C11orf16: variants seen among roughly 807,000 people sequenced by gnomAD.
The protein encoded by C11orf16 is chromosome 11 open reading frame 16, also known as uncharacterized protein C11orf16.
C11orf16 carries 38 observed loss-of-function variants against 45.1 expected under a neutral mutation model. That is an observed-to-expected ratio of 0.84 (90% confidence interval 0.65 to 1.10). C11orf16 has a LOEUF of 1.10. Among genes scored for constraint, C11orf16 ranks in the 50% least tolerant of loss-of-function variants. The pLI, the probability that C11orf16 is intolerant of heterozygous loss-of-function variation, is 0.00. For missense variants in C11orf16, 583 were observed against 569.5 expected (o/e 1.02, Z -0.24); for synonymous variants, 221 against 222.0 (o/e 1.00, Z 0.04).
intron 4 of C11orf16, 68 bp downstream of exon 4, chr11:8,926,870 GCT>G: frequency 7.8e-7 from 1 of 1,275,132 alleles, no homozygotes. Context: ...CGCAGCCTTG[GCT>G]CTCTCCTCTG....
At chr11:8,923,753 A>G (rs921436858) in intron 5 of C11orf16, among the ~76,000 whole-genome samples, 1 of 152,136 alleles carries the variant, frequency 6.6e-6, no homozygotes, top group East Asian at 1.9e-4. Flanking sequence ...ACAGACGTGC[A>G]TCACAATGCC....
chr11:8,924,163 C>T (rs192358594), intron 5 of C11orf16, among the ~76,000 whole-genome samples: 2 of 152,240 alleles, frequency 1.3e-5, no homozygotes, highest in East Asian at 1.9e-4. Flanking sequence ...GAAAGCTTCT[C>T]ATTACAAACA....
chr11:8,923,062 A>G (rs1309525169), intron 5 of C11orf16, among the ~76,000 whole-genome samples: 1 of 152,250 alleles, frequency 6.6e-6, no homozygotes, highest in Non-Finnish European at 1.5e-5. Context: ...AAGATACTAT[A>G]GTTATCTTCT....
chr11:8,923,805 T>C (rs1195994162), intron 5 of C11orf16, among the ~76,000 whole-genome samples: 3 of 151,938 alleles, frequency 2.0e-5, no homozygotes, highest in African/African-American at 7.3e-5. Flanking sequence ...GGTTTCACTT[T>C]GTTGGTCAGG....
intron 3 of C11orf16, chr11:8,927,728 A>C (rs1456736601): frequency 2.2e-6 from 1 of 453,310 alleles, no homozygotes; most frequent in Non-Finnish European, 4.4e-6. Flanking sequence ...TGAATAGCAA[A>C]AGTGAGAGAA....
chr11:8,920,519 T>C, intron 6 of C11orf16, 69 bp from the exon 7 acceptor site: 1 of 622,000 alleles, frequency 1.6e-6, no homozygotes, highest in Non-Finnish European at 2.9e-6. Flanking sequence ...AAGTCACTGA[T>C]TTTAAAAAGT....
intron 2 of C11orf16, among the ~76,000 whole-genome samples, chr11:8,931,777 C>T (rs979000346): frequency 6.6e-6 from 1 of 151,984 alleles, no homozygotes; most frequent in African/African-American, 2.4e-5. Flanking sequence ...CTGCTTGCCT[C>T]GGCCTTCCAA....
At position 8,932,165 on chromosome 11, in the gene C11orf16, G is replaced by T; in HGVS notation, c.144C>A (p.Leu48=). The change falls in exon 2 of 7, where the codon CTC becomes CTA. Residue 48 remains leucine, a synonymous_variant. Coordinates refer to ENST00000326053, the MANE Select transcript of C11orf16 (RefSeq NM_020643.3). The stretch of plus-strand genomic sequence containing the variant: ...ACCTTGCAAGGGGCTTGTGCCCGGT[G>T]AGCCAGGGTGCTTGGAGGGCAAAGG... ...TYPFALQAPW[L]TGHKPLARHA... The T allele has an allele frequency of 6.3e-7, 1 of 1,586,286 alleles. No individual in the cohort carries two copies. Among genetic ancestry groups the T allele is most frequent in the African/African-American group, 1.3e-5 (1 of 74,784 alleles).
At chr11:8,925,111 T>C (rs2064600862) in intron 5 of C11orf16, among the ~76,000 whole-genome samples, 1 of 152,128 alleles carries the variant, frequency 6.6e-6, no homozygotes, top group African/African-American at 2.4e-5. Context: ...GGACTGTTCA[T>C]CTAGAGAAAA....
At chr11:8,930,424 CAAAAAAAAAAAAA>C (rs11303185) in intron 2 of C11orf16, among the ~76,000 whole-genome samples, 1 of 58,370 alleles carries the variant, frequency 1.7e-5, no homozygotes, top group Admixed American at 2.5e-4. Flanking sequence ...GACTCTGTCT[CAAAAAAAAAAAAA>C]AAAAAAAAAA....
chr11:8,920,829 G>GA (rs1002756599), intron 6 of C11orf16, among the ~76,000 whole-genome samples: 1 of 151,866 alleles, frequency 6.6e-6, no homozygotes, highest in South Asian at 2.1e-4. Context: ...TCCTGTCTCA[G>GA]AAAAAAAAGT....
chr11:8,926,158 TTTTTTTC>T lies in C11orf16; in HGVS notation c.560-58_560-52del, dbSNP rs756396663. The T allele has an allele frequency of 1.7e-4, 240 of 1,444,258 alleles. 1 individual carries two copies. The highest frequency in any genetic ancestry group is 3.0e-4 in the Admixed American group (13 of 43,394). 89.5% of individuals were successfully genotyped at this position (1,444,258 alleles called of 1,614,324 possible). On this transcript the variant is annotated intron_variant, in intron 4 of 6. Transcript: ENST00000326053. ...TTGTTATAATTACCAATTATCTCCT[TTTTTTTC>T]TTTTTTCTTTTTTTCTTTTCTTTTT...
rs184616654 is a variant in C11orf16, at chr11:8,925,032, C to A, written c.1204+431G>T. Among the ~76,000 whole-genome samples, 271 of 152,272 alleles carry A rather than the reference C, an allele frequency of 1.8e-3. 1 individual carries two copies. The highest frequency in any genetic ancestry group is 6.3e-3 in the African/African-American group (261 of 41,542). On this transcript the variant is annotated intron_variant, in intron 5 of 6. Transcript: ENST00000326053. The stretch of plus-strand genomic sequence containing the variant: ...GGGAACCAGCAGGAGAGTGGGGCCT[C>A]ACGACCAATGCTCAAGACCAGTTTC...
chr11:8,922,858 C>T (rs2064584518), intron 5 of C11orf16, among the ~76,000 whole-genome samples: 1 of 152,210 alleles, frequency 6.6e-6, no homozygotes, highest in Admixed American at 6.5e-5. Context: ...TTCTGTGCTT[C>T]TCTTCACTAG....
In C11orf16 at chr11:8,925,766, C is replaced by T. The variant is rs1370132215; in HGVS notation, c.901G>A (p.Val301Ile). ...AACTCTGGAAGTTCTCTGGCCATGA[C>T]TTCTGAGGTCCTGGTTAGAGGCCAC... ...TWWPLTRTSE[V>I]MARELPELEP... The change falls in exon 5 of 7, where the codon GTC becomes ATC. Residue 301 changes from valine to isoleucine, a missense_variant. Coordinates refer to ENST00000326053, the MANE Select transcript of C11orf16 (RefSeq NM_020643.3). 32 of 1,614,144 alleles carry T rather than the reference C, an allele frequency of 2.0e-5. No individual in the cohort carries two copies. The highest frequency in any genetic ancestry group is 2.7e-5 in the Non-Finnish European group (32 of 1,180,060).
Position 8,929,363 on chromosome 11 carries a change from G to C in C11orf16, c.324+14C>G. The C allele has an allele frequency of 1.2e-6, 2 of 1,611,868 alleles. No individual in the cohort carries two copies. On this transcript the variant is annotated intron_variant, in intron 3 of 6. Coordinates refer to ENST00000326053, the MANE Select transcript of C11orf16 (RefSeq NM_020643.3). ...GAGGAGCACGCCAGGGAGATACTGGGGTCAGGGACTTGCCTCGGGAGTGGC... is the reference window on the plus strand; with the variant it reads ...GAGGAGCACGCCAGGGAGATACTGGCGTCAGGGACTTGCCTCGGGAGTGGC...
Position 8,925,526 on chromosome 11 carries a change from G to C in C11orf16, c.1141C>G (p.Leu381Val). ...FLEMPLRQSG[L>V]CQPEWRYWKR... Reference sequence around the variant, plus strand: ...CAATACCTCCACTCAGGCTGGCAGAGGCCACTCTGTCTCAGAGGCATCTCA... The same window carrying C: ...CAATACCTCCACTCAGGCTGGCAGACGCCACTCTGTCTCAGAGGCATCTCA... The change falls in exon 5 of 7, where the codon CTC becomes GTC. Residue 381 changes from leucine (L) to valine (V), a missense_variant. Coordinates refer to ENST00000326053, the MANE Select transcript of C11orf16 (RefSeq NM_020643.3). The C allele has an allele frequency of 1.2e-6, 2 of 1,614,238 alleles. No individual in the cohort carries two copies. The highest frequency in any genetic ancestry group is 1.7e-6 in the Non-Finnish European group (2 of 1,180,042).
intron 4 of C11orf16, 88 bp downstream of exon 4, chr11:8,926,852 G>T: frequency 1.9e-6 from 2 of 1,048,662 alleles, no homozygotes; most frequent in Non-Finnish European, 1.4e-6. Context: ...AAACCCCTAA[G>T]CTGTAGACGC....
chr11:8,932,039 T>C, intron 2 of C11orf16, 103 bp downstream of exon 2: 2 of 1,277,984 alleles, frequency 1.6e-6, no homozygotes, highest in Non-Finnish European at 2.1e-6. Flanking sequence ...CCTTTCCACC[T>C]TCTCAGGAAG....
Sources: allele counts gnomAD v4.1 joint callset (sites outside exome capture counted in the v4.1 genomes callset), GRCh38; gene constraint gnomAD v4.1.1; transcripts MANE v1.5; gene names NCBI Gene and HGNC (gene_info 2026-07-23, HGNC 2026-07-21).